PALD1: variants seen among roughly 807,000 people sequenced by gnomAD.
The protein encoded by PALD1 is paladin.
PALD1 carries 57 observed loss-of-function variants against 96.0 expected under a neutral mutation model. The observed-to-expected ratio is 0.59, with a 90% CI of 0.48 to 0.74. The LOEUF is 0.74. Among genes scored for constraint, PALD1 ranks in the 30% least tolerant of loss-of-function variants. The pLI is 0.00. For missense variants in PALD1, 1,063 were observed against 1,143.7 expected (o/e 0.93, Z 1.02); for synonymous variants, 464 against 473.6 (o/e 0.98, Z 0.26).
chr10:70,474,255 G>T (rs577339259), upstream of PALD1, among the ~76,000 whole-genome samples: 70 of 152,160 alleles, frequency 4.6e-4, no homozygotes, highest in African/African-American at 1.7e-3. Flanking sequence ...ATAACAAAAA[G>T]AAATAGGATA....
chr10:70,490,431 G>A (rs1846080673), intron 1 of PALD1, among the ~76,000 whole-genome samples: 2 of 152,090 alleles, frequency 1.3e-5, no homozygotes, highest in Admixed American at 1.3e-4. Context: ...GTGTTGCCCA[G>A]GTCTTCAACT....
At chr10:70,483,942 CT>C (rs779373459) in intron 1 of PALD1, among the ~76,000 whole-genome samples, 17 of 152,336 alleles carry the variant, frequency 1.1e-4, no homozygotes, top group Admixed American at 2.0e-4. Context: ...TGAGTGCCAC[CT>C]TCCATGATTG....
chr10:70,541,122 GGCCCTGCGGGCC>G lies in PALD1; in HGVS notation c.1935_1946del (p.Arg646_Leu649del), dbSNP rs748434531. 6.2e-7 allele frequency: 1 copy of G among 1,608,954 alleles called. No individual in the cohort carries two copies. The highest frequency in any genetic ancestry group is 2.2e-5 in the East Asian group (1 of 44,818). On this transcript the variant is annotated inframe_deletion, in exon 16 of 20. Transcript: ENST00000263563. The stretch of plus-strand genomic sequence containing the variant: ...TCCAGGACTTTGACCAGCTGCTGGA[GGCCCTGCGGGCC>G]GCCCTCTCCAAGGACCCAGGCACTG...
intron 18 of PALD1, among the ~76,000 whole-genome samples, chr10:70,556,210 T>G (rs1328978793): frequency 6.6e-6 from 1 of 152,082 alleles, no homozygotes; most frequent in Non-Finnish European, 1.5e-5. Flanking sequence ...ACGGAGTGTG[T>G]GTGTGAGTGT....
chr10:70,461,055 C>CAA, the PALD1 span, among the ~76,000 whole-genome samples: 59 of 151,154 alleles, frequency 3.9e-4, no homozygotes, highest in East Asian at 3.5e-3. Flanking sequence ...AACTTCGTCT[C>CAA]AAAAAAAAAT....
At chr10:70,536,250 A>G (rs10999380) in intron 10 of PALD1, among the ~76,000 whole-genome samples, 23,297 of 152,002 alleles carry the variant, frequency 0.15, 2,241 homozygotes, top group East Asian at 0.51. Flanking sequence ...GCAGTGGGCT[A>G]TGATCGTACC....
At chr10:70,553,933 G>A (rs1265330884) in intron 18 of PALD1, among the ~76,000 whole-genome samples, 1 of 152,256 alleles carries the variant, frequency 6.6e-6, no homozygotes, top group Non-Finnish European at 1.5e-5. Flanking sequence ...GTGGAGCCAA[G>A]CCTGGGGACA....
intron 19 of PALD1, among the ~76,000 whole-genome samples, chr10:70,564,916 C>T (rs1180401215): frequency 1.3e-5 from 2 of 152,184 alleles, no homozygotes; most frequent in Admixed American, 6.5e-5. Context: ...ACCTGTGCTC[C>T]GCGAGGGCCT....
At position 70,533,307 on chromosome 10, in the gene PALD1, GTCTGTGTGTTCCTGTCTGTGTGTC is replaced by G. The variant is rs375998599; in HGVS notation, c.870+246_870+269del. Among the ~76,000 whole-genome samples, 245 of 152,070 alleles carry G rather than the reference GTCTGTGTGTTCCTGTCTGTGTGTC, an allele frequency of 1.6e-3. 3 individuals carry two copies. Among genetic ancestry groups the G allele is most frequent in the African/African-American group, 5.7e-3 (237 of 41,506 alleles). ...TACATGTTTATGTGTCTCTCTGTGT[GTCTGTGTGTTCCTGTCTGTGTGTC>G]TCTGTGTGGGGATACATGTGTTTCT... On this transcript the variant is annotated intron_variant, in intron 7 of 19. Transcript: ENST00000263563.
intron 18 of PALD1, among the ~76,000 whole-genome samples, chr10:70,549,621 G>A (rs1481837218): frequency 6.6e-6 from 1 of 152,264 alleles, no homozygotes. Flanking sequence ...AAGGCCAGGG[G>A]GCCGAAAGGT....
At chr10:70,477,937 G>A (rs7922219), upstream of PALD1, among the ~76,000 whole-genome samples, 119,304 of 152,082 alleles carry the variant, frequency 0.78, 48,067 homozygotes, top group East Asian at 0.93. Context: ...GTGAACGCAC[G>A]CACGTGGGTG....
intron 1 of PALD1, among the ~76,000 whole-genome samples, chr10:70,488,120 TTC>T (rs1405086217): frequency 1.1e-5 from 1 of 89,314 alleles, no homozygotes; most frequent in African/African-American, 3.9e-5. Flanking sequence ...AGTTTAAAAT[TTC>T]TCTCTCTTTT....
chr10:70,541,303 C>T, intron 16 of PALD1, 61 bp downstream of exon 16: 2 of 1,554,626 alleles, frequency 1.3e-6, no homozygotes, highest in Admixed American at 1.8e-5. Flanking sequence ...ACACTCAGGT[C>T]CCAGGCACAC....
At chr10:70,551,964 G>A (rs1847489368) in intron 18 of PALD1, among the ~76,000 whole-genome samples, 1 of 152,200 alleles carries the variant, frequency 6.6e-6, no homozygotes, top group Non-Finnish European at 1.5e-5. Context: ...GTTTCCTTCT[G>A]GGCTTCGTGC....
Position 70,540,145 on chromosome 10 carries a change from T to G in PALD1, c.1908+383T>G, listed in dbSNP as rs1269716955. On this transcript the variant is annotated intron_variant, in intron 15 of 19. Transcript: ENST00000263563. The surrounding 1 kb of genome is among the most constrained non-coding windows in gnomAD (Gnocchi z 4.2). ...TAGGTGTGTGTGTGTTATCGGGGTGTGTGTGTATTCTGTTACAGGTGTGTG... is the reference window on the plus strand; with the variant it reads ...TAGGTGTGTGTGTGTTATCGGGGTGGGTGTGTATTCTGTTACAGGTGTGTG... Among the ~76,000 whole-genome samples the G allele has an allele frequency of 6.6e-6, 1 of 151,728 alleles. No homozygotes were observed. The highest frequency in any genetic ancestry group is 1.9e-4 in the East Asian group (1 of 5,196).
chr10:70,519,413 G>A (rs1026689461), intron 1 of PALD1, among the ~76,000 whole-genome samples: 2 of 152,074 alleles, frequency 1.3e-5, no homozygotes, highest in Admixed American at 6.5e-5. Context: ...CCTTCTTGCC[G>A]TATCCTCAGA....
chr10:70,535,722 A>G (rs1056445719), intron 10 of PALD1, among the ~76,000 whole-genome samples: 1 of 148,224 alleles, frequency 6.7e-6, no homozygotes, highest in Non-Finnish European at 1.5e-5. Flanking sequence ...TTCTCCTTCA[A>G]TAGGGTCTTG....
intron 12 of PALD1, 94 bp from the exon 13 acceptor site, chr10:70,538,798 C>T (rs1227812238): frequency 1.9e-6 from 2 of 1,043,620 alleles, no homozygotes; most frequent in Non-Finnish European, 3.0e-6. Context: ...GCTCGGGTTC[C>T]ACCCCACCCC....
At chr10:70,514,547 G>C (rs932199526) in intron 1 of PALD1, among the ~76,000 whole-genome samples, 3 of 152,018 alleles carry the variant, frequency 2.0e-5, no homozygotes, top group Non-Finnish European at 4.4e-5. Context: ...TGGGTCTGTG[G>C]GACCCCCAAG....
Sources: gnomAD v4.1 joint callset for allele counts (sites outside exome capture counted in the v4.1 genomes callset) on GRCh38, gnomAD v4.1.1 for gene constraint, Gnocchi (gnomAD v3.1) non-coding constraint, MANE v1.5 for transcripts, NCBI Gene and HGNC (gene_info 2026-07-23, HGNC 2026-07-21) for gene names.